CDKAL1: variants seen among roughly 807,000 people sequenced by gnomAD.
The protein encoded by CDKAL1 is threonylcarbamoyladenosine tRNA methylthiotransferase.
CDKAL1 carries 32 observed loss-of-function variants against 68.2 expected under a neutral mutation model. That is an observed-to-expected ratio of 0.47 (90% CI 0.35 to 0.63). CDKAL1 has a LOEUF of 0.63. Ranked by LOEUF, CDKAL1 falls within the 30% of genes least tolerant of loss-of-function variation. The pLI, the probability that CDKAL1 is intolerant of heterozygous loss-of-function variation, is 0.00. For synonymous variants in CDKAL1, 234 were observed against 244.3 expected, an observed-to-expected ratio of 0.96 and a Z score of 0.39; for missense variants, 606 against 696.7, an observed-to-expected ratio of 0.87 and a Z score of 1.47.
At chr6:20,642,710 G>A (rs967551355) in intron 4 of CDKAL1, among the ~76,000 whole-genome samples, 1 of 152,088 alleles carries the variant, frequency 6.6e-6, no homozygotes, top group Admixed American at 6.5e-5. Context: ...TTTACAGTAT[G>A]TAATGGAATT....
intron 4 of CDKAL1, among the ~76,000 whole-genome samples, chr6:20,567,458 T>A (rs1419483528): frequency 6.6e-6 from 1 of 152,120 alleles, no homozygotes; most frequent in Non-Finnish European, 1.5e-5. Context: ...AGCACACATT[T>A]AGTCCATTTC....
At chr6:21,160,130 C>T (rs115129316) in intron 13 of CDKAL1, among the ~76,000 whole-genome samples, 1,952 of 152,192 alleles carry the variant, frequency 0.013, 35 homozygotes, top group African/African-American at 0.045. Flanking sequence ...TAAGCATATT[C>T]GTGGTCCACA....
intron 5 of CDKAL1, among the ~76,000 whole-genome samples, chr6:20,666,711 A>G (rs1293299575): frequency 8.3e-6 from 1 of 120,628 alleles, no homozygotes; most frequent in East Asian, 2.2e-4. Context: ...TTTTTGACTT[A>G]TTAGTGATTA....
chr6:20,955,089 A>G (rs1477283839), intron 9 of CDKAL1, among the ~76,000 whole-genome samples: 20 of 152,178 alleles, frequency 1.3e-4, no homozygotes, highest in Admixed American at 1.2e-3. Flanking sequence ...AGAGTGTTCA[A>G]TAAAATAGGT....
chr6:20,924,111 G>T (rs1006770536), intron 9 of CDKAL1, among the ~76,000 whole-genome samples: 7 of 151,310 alleles, frequency 4.6e-5, no homozygotes, highest in Non-Finnish European at 1.0e-4. Context: ...TGCAAAAGAG[G>T]TTATTGAGGG....
At chr6:21,056,422 T>C (rs886761149) in intron 11 of CDKAL1, among the ~76,000 whole-genome samples, 1 of 152,132 alleles carries the variant, frequency 6.6e-6, no homozygotes, top group African/African-American at 2.4e-5. Context: ...GAGGTTTTTG[T>C]GCTGAGACGA....
chr6:20,837,718 A>G (rs1334371608), intron 8 of CDKAL1, among the ~76,000 whole-genome samples: 1 of 149,966 alleles, frequency 6.7e-6, no homozygotes, highest in Non-Finnish European at 1.5e-5. Context: ...TTCTAATACT[A>G]GCATAAATTT....
intron 12 of CDKAL1, among the ~76,000 whole-genome samples, chr6:21,101,332 A>T (rs1017905653): frequency 6.6e-6 from 1 of 152,146 alleles, no homozygotes; most frequent in Non-Finnish European, 1.5e-5. Context: ...CAGGCCCCAG[A>T]AGACCAATTA....
intron 11 of CDKAL1, among the ~76,000 whole-genome samples, chr6:21,044,916 C>A (rs1415375880): frequency 6.6e-6 from 1 of 152,176 alleles, no homozygotes; most frequent in Non-Finnish European, 1.5e-5. Context: ...CCAGCAGGTT[C>A]AGTGTCAGGA....
In CDKAL1 at chr6:20,949,017, T is replaced by C. The variant is rs535247913; in HGVS notation, c.743-6402T>C. Among the ~76,000 whole-genome samples, 28 of 152,340 alleles carry C rather than the reference T, an allele frequency of 1.8e-4. No homozygotes were observed. In the South Asian group the frequency reaches 5.8e-3, roughly 32 times the overall value. On this transcript the variant is annotated intron_variant, in intron 9 of 15. Transcript: ENST00000274695. ...TTTTGTTTAGCAACAGCATTATCAATTTATGCCAACACATTTTTTCTATAA... is the reference window on the plus strand; with the variant it reads ...TTTTGTTTAGCAACAGCATTATCAACTTATGCCAACACATTTTTTCTATAA...
intron 5 of CDKAL1, among the ~76,000 whole-genome samples, chr6:20,672,312 C>CTCTCCG (rs749464640): frequency 1.4e-5 from 2 of 147,032 alleles, no homozygotes; most frequent in East Asian, 3.9e-4. Flanking sequence ...CTCCCTCTCC[C>CTCTCCG]TCTCCGTCTC....
At chr6:20,834,754 T>G (rs1051856706) in intron 8 of CDKAL1, among the ~76,000 whole-genome samples, 1 of 152,232 alleles carries the variant, frequency 6.6e-6, no homozygotes, top group African/African-American at 2.4e-5. Flanking sequence ...GTCATGAAAT[T>G]TAAGGCATTA....
chr6:20,677,279 C>T (rs1000213778), intron 5 of CDKAL1, among the ~76,000 whole-genome samples: 3 of 152,064 alleles, frequency 2.0e-5, no homozygotes, highest in Non-Finnish European at 2.9e-5. Flanking sequence ...CCTGTTGTCC[C>T]GGCTGGTCTT....
intron 15 of CDKAL1, among the ~76,000 whole-genome samples, chr6:21,228,755 A>C (rs550011125): frequency 6.6e-6 from 1 of 152,330 alleles, no homozygotes; most frequent in Admixed American, 6.5e-5. Flanking sequence ...CTATCAATCA[A>C]TTCAGCTGAA....
At position 20,914,362 on chromosome 6, in the gene CDKAL1, C is replaced by A. The variant is rs190304913; in HGVS notation, c.743-41057C>A. Among the ~76,000 whole-genome samples, 396 of 152,202 alleles carry A rather than the reference C, an allele frequency of 2.6e-3. 3 individuals are homozygous for A. The highest frequency in any genetic ancestry group is 2.8e-3 in the Non-Finnish European group (193 of 68,006). ...TTTTCTCAGAAAGGTCTTGCCTGTC[C>A]ACTCTCTCTAAAATGCACCCACCGC... On this transcript the variant is annotated intron_variant, in intron 9 of 15. Coordinates refer to ENST00000274695, the MANE Select transcript of CDKAL1 (RefSeq NM_017774.3).
At chr6:20,740,306 T>A (rs2150325275) in intron 6 of CDKAL1, among the ~76,000 whole-genome samples, 1 of 152,316 alleles carries the variant, frequency 6.6e-6, no homozygotes, top group South Asian at 2.1e-4. Flanking sequence ...CCGTTGTATT[T>A]CTGTTGTTAG....
At chr6:20,822,281 A>T (rs1486695142) in intron 8 of CDKAL1, among the ~76,000 whole-genome samples, 1 of 152,198 alleles carries the variant, frequency 6.6e-6, no homozygotes, top group Non-Finnish European at 1.5e-5. Context: ...GAACAACAGG[A>T]AAGTAGTTGG....
chr6:20,911,815 G>C (rs1482377508), intron 9 of CDKAL1, among the ~76,000 whole-genome samples: 1 of 152,190 alleles, frequency 6.6e-6, no homozygotes, highest in African/African-American at 2.4e-5. Context: ...TTTTCACTGT[G>C]ATATTTCTAT....
At chr6:20,748,554 GGAAAAAAAAAAAAAAAAAAAAAAAAAAAA>G (rs1022846375) in intron 6 of CDKAL1, among the ~76,000 whole-genome samples, 13 of 77,106 alleles carry the variant, frequency 1.7e-4, no homozygotes, top group Non-Finnish European at 3.3e-4. Context: ...CTCTGTTTCT[GGAAAAAAAAAAAAAAAAAAAAAAAAAAAA>G]AAAAAAAAAA....
Sources: allele counts gnomAD v4.1 joint callset (sites outside exome capture counted in the v4.1 genomes callset), GRCh38; gene constraint gnomAD v4.1.1; transcripts MANE v1.5; gene names NCBI Gene and HGNC (gene_info 2026-07-23, HGNC 2026-07-21).